DYNLT2B: variants seen among roughly 807,000 people sequenced by gnomAD.
DYNLT2B encodes dynein light chain Tctex-type 2B.
DYNLT2B carries 14 observed loss-of-function variants against 19.5 expected under a neutral mutation model. That is an observed-to-expected ratio of 0.72 (90% confidence interval 0.47 to 1.12). The LOEUF (loss-of-function observed/expected upper bound fraction) is 1.12. DYNLT2B is among the 50% of genes most tolerant of loss of function. The pLI is 0.00. For missense variants in DYNLT2B, 133 were observed against 174.7 expected (o/e 0.76, Z 1.35); for synonymous variants, 70 against 59.7 (o/e 1.17, Z -0.79).
In DYNLT2B at chr3:196,297,872, CA is replaced by C. The variant is rs747606845; in HGVS notation, c.318-1804del. The stretch of plus-strand genomic sequence containing the variant: ...ATATTGGTTCTTTTTTTTCCTGAAA[CA>C]AAAGGTCTCACATATTTATTACTGA... On this transcript the variant is annotated intron_variant, in intron 3 of 4. Transcript: ENST00000325318. Among the ~76,000 whole-genome samples the C allele has an allele frequency of 2.6e-5, 4 of 151,968 alleles. No individual in the cohort carries two copies. In the East Asian group the frequency reaches 5.8e-4, roughly 22 times the overall value.
intron 1 of DYNLT2B, among the ~76,000 whole-genome samples, chr3:196,316,634 C>A (rs1412514088): frequency 6.6e-6 from 1 of 152,048 alleles, no homozygotes; most frequent in Non-Finnish European, 1.5e-5. Flanking sequence ...AACCTTTTAC[C>A]AAGATAACTG....
intron 4 of DYNLT2B, 39 bp downstream of exon 4, chr3:196,295,967 G>A (rs551433856): frequency 9.6e-6 from 15 of 1,569,542 alleles, no homozygotes; most frequent in South Asian, 8.9e-5. Context: ...CGGTGCCCAC[G>A]TTCTTAGAAA....
rs1392902287 is a variant in DYNLT2B at position 196,317,369 on chromosome 3, A to T, written c.113+671T>A. ...GGCCCGTGAGCCTGATATTTTTTTC[A>T]GTGTGTGTGTGTGTGTGTGTGTGTG... On this transcript the variant is annotated intron_variant, in intron 1 of 4. Coordinates refer to ENST00000325318, the MANE Select transcript of DYNLT2B (RefSeq NM_152773.5). Among the ~76,000 whole-genome samples, 2 of 15,962 alleles carry T rather than the reference A, an allele frequency of 1.3e-4. 1 individual carries two copies. Among genetic ancestry groups the T allele is most frequent in the Non-Finnish European group, 2.5e-4 (2 of 7,884 alleles). 10.5% of individuals were successfully genotyped at this position (15,962 alleles called of 152,430 possible).
rs115319980 is a variant in DYNLT2B at position 196,309,218 on chromosome 3, C to T, written c.248-2206G>A. On this transcript the variant is annotated intron_variant, in intron 2 of 4. Coordinates refer to ENST00000325318, the MANE Select transcript of DYNLT2B (RefSeq NM_152773.5). ...ATCTCTTAAGGCCAGAAGTTCAAGA[C>T]CAGCCTAGGCAGCATGACAAGACCA... Among the ~76,000 whole-genome samples, 716 of 152,260 alleles carry T rather than the reference C, an allele frequency of 4.7e-3. 8 individuals carry two copies. Among genetic ancestry groups the T allele is most frequent in the African/African-American group, 0.016 (674 of 41,572 alleles).
chr3:196,299,756 C>T (rs566774115), intron 3 of DYNLT2B, among the ~76,000 whole-genome samples: 2 of 151,874 alleles, frequency 1.3e-5, no homozygotes, highest in Admixed American at 6.6e-5. Context: ...GTGGTGAAAC[C>T]CCGTCTCTAC....
intron 4 of DYNLT2B, among the ~76,000 whole-genome samples, chr3:196,295,181 T>TTG (rs1726191276): frequency 7.5e-6 from 1 of 134,082 alleles, no homozygotes; most frequent in African/African-American, 2.9e-5. Context: ...GAAACCTCTT[T>TTG]TATGTGTGTG....
intron 2 of DYNLT2B, among the ~76,000 whole-genome samples, chr3:196,315,499 G>A (rs1414430995): frequency 1.3e-5 from 2 of 151,626 alleles, no homozygotes; most frequent in African/African-American, 2.4e-5. Context: ...CTGACCTCGT[G>A]ATCCACCCGC....
chr3:196,307,120 A>C, intron 2 of DYNLT2B, 108 bp from the exon 3 acceptor site: 2 of 905,110 alleles, frequency 2.2e-6, no homozygotes, highest in Non-Finnish European at 3.5e-6. Context: ...CAAGTACTTA[A>C]TGAATATGGT....
intron 3 of DYNLT2B, among the ~76,000 whole-genome samples, chr3:196,298,893 T>TAA (rs754687163): frequency 2.6e-5 from 4 of 152,064 alleles, no homozygotes; most frequent in African/African-American, 4.8e-5. Context: ...TGGCAGTCTT[T>TAA]ACTTTTTAAA....
chr3:196,296,782 C>T (rs547259940), intron 3 of DYNLT2B, among the ~76,000 whole-genome samples: 4 of 152,246 alleles, frequency 2.6e-5, no homozygotes, highest in African/African-American at 4.8e-5. Context: ...GACACAGTGA[C>T]GTGTCCCTGT....
chr3:196,298,974 C>T (rs1205642255), intron 3 of DYNLT2B, among the ~76,000 whole-genome samples: 1 of 152,142 alleles, frequency 6.6e-6, no homozygotes, highest in African/African-American at 2.4e-5. Flanking sequence ...TGCAGTGGCA[C>T]GATCTCAGCT....
intron 2 of DYNLT2B, among the ~76,000 whole-genome samples, chr3:196,312,099 C>T (rs1726658871): frequency 6.6e-6 from 1 of 152,136 alleles, no homozygotes; most frequent in African/African-American, 2.4e-5. Flanking sequence ...AGCCTGGTTT[C>T]GAACTCACAA....
At chr3:196,304,643 A>T (rs1577389942) in intron 3 of DYNLT2B, among the ~76,000 whole-genome samples, 1 of 151,870 alleles carries the variant, frequency 6.6e-6, no homozygotes, top group East Asian at 1.9e-4. Context: ...GTGAGCCAAG[A>T]TCGCACCATT....
At chr3:196,316,928 T>TG (rs1560194483) in intron 1 of DYNLT2B, among the ~76,000 whole-genome samples, 1 of 95,426 alleles carries the variant, frequency 1.0e-5, no homozygotes, top group Non-Finnish European at 2.1e-5. Context: ...TGTGTGTGTG[T>TG]TGTGTGGTGT....
chr3:196,293,481 C>A (rs1196167209), intron 4 of DYNLT2B, among the ~76,000 whole-genome samples: 1 of 151,552 alleles, frequency 6.6e-6, no homozygotes, highest in African/African-American at 2.4e-5. Flanking sequence ...CAAAAATTAG[C>A]CGAGCGTGGT....
chr3:196,307,683 C>T (rs1338381589), intron 2 of DYNLT2B, among the ~76,000 whole-genome samples: 8 of 152,008 alleles, frequency 5.3e-5, no homozygotes, highest in Non-Finnish European at 1.2e-4. Context: ...TTCCTTTTTC[C>T]CCTACTATAA....
intron 3 of DYNLT2B, among the ~76,000 whole-genome samples, chr3:196,300,653 C>CGGGA (rs1287912618): frequency 7.0e-6 from 1 of 143,394 alleles, no homozygotes; most frequent in African/African-American, 2.5e-5. Flanking sequence ...CACTTGAACC[C>CGGGA]GGGAGGCTGA....
chr3:196,296,398 G>A (rs541314693), intron 3 of DYNLT2B: 11 of 191,982 alleles, frequency 5.7e-5, no homozygotes, highest in East Asian at 2.5e-4. Flanking sequence ...ATAACAGGAC[G>A]AGGAAGGCAC....
At chr3:196,291,471 T>G in intron 4 of DYNLT2B, 97 bp from the exon 5 acceptor site, 2 of 1,328,384 alleles carry the variant, frequency 1.5e-6, no homozygotes, top group Non-Finnish European at 2.1e-6. Context: ...CCATCTCAGA[T>G]CTTTCCAATT....
Sources: allele counts gnomAD v4.1 joint callset (sites outside exome capture counted in the v4.1 genomes callset), GRCh38; gene constraint gnomAD v4.1.1; transcripts MANE v1.5; gene names NCBI Gene and HGNC (gene_info 2026-07-23, HGNC 2026-07-21).